The following TJP1 variants were observed in gnomAD, a reference collection of about 807,000 sequenced individuals.
TJP1 encodes tight junction protein 1, also known as tight junction protein ZO-1.
TJP1 carries 43 observed loss-of-function variants against 194.2 expected under a neutral mutation model. The ratio of observed to expected loss-of-function variants is 0.22; its 90% CI spans 0.17 to 0.29. TJP1 has a LOEUF of 0.29. Ranked by LOEUF, TJP1 falls within the 10% of genes least tolerant of loss-of-function variation. The probability of loss-of-function intolerance (pLI) is 1.00; values close to 1 mark genes in which losing one functional copy is unlikely to be tolerated. For synonymous variants in TJP1, 801 were observed against 779.0 expected (o/e 1.03, Z -0.47); for missense variants, 1,971 against 2,185.7 (o/e 0.90, Z 1.96).
At chr15:29,833,983 C>A (rs2337176) in intron 2 of TJP1, among the ~76,000 whole-genome samples, 3 of 112,588 alleles carry the variant, frequency 2.7e-5, no homozygotes, top group Admixed American at 2.0e-4. Flanking sequence ...CCCGGGTTCA[C>A]GCCATTCTCC....
chr15:29,718,518 G>C lies in TJP1; in HGVS notation c.3624C>G (p.Thr1208=). Residue 1208 remains threonine, a synonymous_variant, in exon 21 of 28, where the codon ACC becomes ACG. Transcript: ENST00000614355. The part of the protein sequence containing the change: ...SYEQVPPQGF[T]SRAGHFEPLH... ...GAGGCTCAAAATGACCTGCTCTAGA[G>C]GTAAATCCTTGGGGTGGTACTTGCT... 4 of 1,614,146 alleles carry C rather than the reference G, an allele frequency of 2.5e-6. No homozygotes were observed. The highest frequency in any genetic ancestry group is 2.5e-6 in the Non-Finnish European group (3 of 1,180,028).
At chr15:29,957,881 C>T (rs1006014077) in intron 1 of TJP1, among the ~76,000 whole-genome samples, 1 of 152,092 alleles carries the variant, frequency 6.6e-6, no homozygotes, top group African/African-American at 2.4e-5. Flanking sequence ...TATGAGAATA[C>T]CCATTTGGGG....
At chr15:29,845,742 T>G (rs2051383302) in intron 2 of TJP1, among the ~76,000 whole-genome samples, 1 of 152,136 alleles carries the variant, frequency 6.6e-6, no homozygotes, top group Non-Finnish European at 1.5e-5. Flanking sequence ...AGGCGGAGCT[T>G]ATAGTGAGCT....
At chr15:29,939,934 C>T (rs1208742381) in intron 2 of TJP1, among the ~76,000 whole-genome samples, 3 of 151,556 alleles carry the variant, frequency 2.0e-5, no homozygotes, top group Non-Finnish European at 1.5e-5. Flanking sequence ...AACCCCCCAA[C>T]CCCCCAGTTT....
intron 2 of TJP1, among the ~76,000 whole-genome samples, chr15:29,938,311 T>A (rs1166313430): frequency 1.3e-5 from 2 of 152,210 alleles, no homozygotes; most frequent in Admixed American, 1.3e-4. Flanking sequence ...TAATTCTCTA[T>A]AATAAATCTT....
intron 2 of TJP1, among the ~76,000 whole-genome samples, chr15:29,954,569 T>C (rs568871908): frequency 1.1e-4 from 16 of 152,332 alleles, no homozygotes; most frequent in Admixed American, 2.0e-4. Context: ...TTAGTCACCT[T>C]AACTGTTAGT....
At chr15:29,956,836 C>T (rs2055962491) in intron 1 of TJP1, among the ~76,000 whole-genome samples, 1 of 152,192 alleles carries the variant, frequency 6.6e-6, no homozygotes, top group Admixed American at 6.5e-5. Context: ...CTACAGTGAG[C>T]CACCACTGCA....
chr15:29,875,764 C>T (rs1215032945), intron 2 of TJP1, among the ~76,000 whole-genome samples: 5 of 152,096 alleles, frequency 3.3e-5, no homozygotes, highest in African/African-American at 1.2e-4. Context: ...CAGGGTTTCA[C>T]CATGTTGGCC....
At chr15:29,831,884 G>C (rs1286277367) in intron 2 of TJP1, among the ~76,000 whole-genome samples, 1 of 152,154 alleles carries the variant, frequency 6.6e-6, no homozygotes, top group Non-Finnish European at 1.5e-5. Context: ...CAAAATTGGT[G>C]AATCAGGCGA....
At chr15:29,916,197 G>A (rs529973037) in intron 2 of TJP1, among the ~76,000 whole-genome samples, 197 of 144,868 alleles carry the variant, frequency 1.4e-3, no homozygotes, top group African/African-American at 4.9e-3. Flanking sequence ...GTGAGATTGC[G>A]CCACTGTACT....
At chr15:29,762,921 A>G (rs1184907781) in intron 5 of TJP1, among the ~76,000 whole-genome samples, 1 of 152,216 alleles carries the variant, frequency 6.6e-6, no homozygotes, top group Non-Finnish European at 1.5e-5. Flanking sequence ...AATTCTAAAG[A>G]GTAAACTGCT....
At chr15:29,862,387 T>C (rs1477671137) in intron 2 of TJP1, among the ~76,000 whole-genome samples, 1 of 152,008 alleles carries the variant, frequency 6.6e-6, no homozygotes. Context: ...GGTGAAATCA[T>C]AGAGAAAAGC....
intron 2 of TJP1, among the ~76,000 whole-genome samples, chr15:29,924,548 A>G (rs1346823042): frequency 6.6e-6 from 1 of 152,248 alleles, no homozygotes; most frequent in African/African-American, 2.4e-5. Context: ...ATAAAAGTGT[A>G]TATATAATGT....
At chr15:29,749,708 G>A (rs1053393609) in intron 8 of TJP1, among the ~76,000 whole-genome samples, 2 of 152,248 alleles carry the variant, frequency 1.3e-5, no homozygotes, top group Non-Finnish European at 2.9e-5. Flanking sequence ...GCAAATTCTC[G>A]GCCACTCAGT....
intron 15 of TJP1, chr15:29,730,787 C>G: frequency 1.3e-6 from 1 of 776,650 alleles, no homozygotes; most frequent in Non-Finnish European, 2.4e-6. Flanking sequence ...AGAGAAGATC[C>G]GCGAGGTTGT....
chr15:29,714,177 C>A (rs1446599473), intron 23 of TJP1, among the ~76,000 whole-genome samples: 1 of 152,184 alleles, frequency 6.6e-6, no homozygotes, highest in Non-Finnish European at 1.5e-5. Flanking sequence ...CAAATTAACA[C>A]AGAAAGCAAA....
intron 2 of TJP1, among the ~76,000 whole-genome samples, chr15:29,778,786 C>T (rs2047173965): frequency 6.6e-6 from 1 of 152,166 alleles, no homozygotes. Flanking sequence ...TTCAGCTCAT[C>T]TTTCAAAACC....
At position 29,953,924 on chromosome 15, in the gene TJP1, A is replaced by AC. The variant is rs147793922; in HGVS notation, c.306+2307dup. On this transcript the variant is annotated intron_variant, in intron 2 of 28. Coordinates refer to the TJP1 transcript ENST00000356107. Reference sequence around the variant, plus strand: ...CAACATCGTCCATGAAGCCAAGGGAACCATTACACCAGAACATACAGCTCC... The same window carrying AC: ...CAACATCGTCCATGAAGCCAAGGGAACCCATTACACCAGAACATACAGCTCC... Among the ~76,000 whole-genome samples the AC allele has an allele frequency of 2.5e-3, 378 of 152,320 alleles. 2 individuals carry two copies. Among genetic ancestry groups the AC allele is most frequent in the African/African-American group, 8.8e-3 (364 of 41,568 alleles).
intron 1 of TJP1, among the ~76,000 whole-genome samples, chr15:29,967,017 T>C (rs2056356936): frequency 7.9e-6 from 1 of 127,272 alleles, no homozygotes; most frequent in African/African-American, 3.0e-5. Flanking sequence ...CATTAAAATA[T>C]CTTTTTTTTT....
Sources: gnomAD v4.1 joint callset for allele counts (sites outside exome capture counted in the v4.1 genomes callset) on GRCh38, gnomAD v4.1.1 for gene constraint, MANE v1.5 for transcripts, NCBI Gene and HGNC (gene_info 2026-07-23, HGNC 2026-07-21) for gene names.